Variants in ATP2B2 observed in about 807,000 individuals in gnomAD.
ATP2B2 encodes the protein ATPase plasma membrane Ca2+ transporting 2, also known as plasma membrane calcium-transporting ATPase 2.
Under a neutral mutation model 120.0 loss-of-function variants are expected in ATP2B2, and 15 were observed. That is an observed-to-expected ratio of 0.12 (90% CI 0.08 to 0.19). ATP2B2 has a LOEUF of 0.19. Ranked by LOEUF, ATP2B2 falls within the 10% of genes least tolerant of loss-of-function variation. ATP2B2 has a pLI of 1.00. For synonymous variants in ATP2B2, 694 were observed against 700.3 expected (o/e 0.99, Z 0.14); for missense variants, 1,045 against 1,719.8 (o/e 0.61, Z 6.94).
chr3:10,601,246 G>A (rs944105073), intron 2 of ATP2B2, among the ~76,000 whole-genome samples: 10 of 152,168 alleles, frequency 6.6e-5, no homozygotes, highest in Non-Finnish European at 1.2e-4. Context: ...CGTGAGCCAG[G>A]ACACTCCAGG....
chr3:10,367,788 G>A (rs374584174), intron 12 of ATP2B2, among the ~76,000 whole-genome samples: 1 of 152,232 alleles, frequency 6.6e-6, no homozygotes, highest in Non-Finnish European at 1.5e-5. Flanking sequence ...ACGCATTGGG[G>A]TGTGGTGTCA....
intron 2 of ATP2B2, among the ~76,000 whole-genome samples, chr3:10,416,747 ACTTT>A (rs2062795245): frequency 6.7e-6 from 1 of 150,226 alleles, no homozygotes; most frequent in Non-Finnish European, 1.5e-5. Context: ...AGAGGGAAGG[ACTTT>A]CTTTTTCTTT....
chr3:10,554,163 C>T (rs117915919), intron 2 of ATP2B2, among the ~76,000 whole-genome samples: 1 of 152,082 alleles, frequency 6.6e-6, no homozygotes, highest in African/African-American at 2.4e-5. Flanking sequence ...CCTTTGTAAC[C>T]CACCTGAACA....
chr3:10,362,443 G>A (rs1406229893), intron 12 of ATP2B2, among the ~76,000 whole-genome samples: 1 of 152,204 alleles, frequency 6.6e-6, no homozygotes, highest in African/African-American at 2.4e-5. Flanking sequence ...TGAGACCTGG[G>A]GATGCATAGG....
At position 10,343,167 on chromosome 3, in the gene ATP2B2, C is replaced by T. The variant is rs1296786010; in HGVS notation, c.2704-202G>A. On this transcript the variant is annotated intron_variant, in intron 18 of 22. Transcript: ENST00000360273. This position sits in a 1 kb window ranked among gnomAD's most constrained non-coding sequence, Gnocchi z 4.2. The stretch of plus-strand genomic sequence containing the variant: ...GACCTGCCCACCTCAGCCACATCTT[C>T]CCTGCCAGGAGATAAGTGAGTCCCC... 6.6e-6 allele frequency among the ~76,000 whole-genome samples: 1 copy of T among 152,180 alleles called. No homozygotes were observed. The highest frequency in any genetic ancestry group is 1.5e-5 in the Non-Finnish European group (1 of 68,022).
intron 2 of ATP2B2, among the ~76,000 whole-genome samples, chr3:10,587,215 G>A (rs1224776464): frequency 6.6e-6 from 1 of 152,002 alleles, no homozygotes; most frequent in African/African-American, 2.4e-5. Flanking sequence ...TGAGGTGGGA[G>A]AACCAGCTGA....
At chr3:10,544,191 C>T (rs1269590657) in intron 2 of ATP2B2, among the ~76,000 whole-genome samples, 1 of 152,120 alleles carries the variant, frequency 6.6e-6, no homozygotes, top group Non-Finnish European at 1.5e-5. Context: ...TGAGTGTTTT[C>T]CCTAATCTGC....
At chr3:10,548,428 C>T (rs1472294143) in intron 2 of ATP2B2, among the ~76,000 whole-genome samples, 1 of 152,198 alleles carries the variant, frequency 6.6e-6, no homozygotes, top group African/African-American at 2.4e-5. Context: ...CAGCTCTCAG[C>T]CAATGATTGA....
rs1283106265 is a variant in ATP2B2 at position 10,340,142 on chromosome 3, G to A, written c.3237+100C>T. ...TCCAGAGATAGGGAGGAGCTTGCCT[G>A]GGGTCTGGCAGCCCATTCCTGGGGG... On this transcript the variant is annotated intron_variant, in intron 21 of 22. Transcript: ENST00000360273. This position sits in a 1 kb window ranked among gnomAD's most constrained non-coding sequence, Gnocchi z 5.0. The A allele has an allele frequency of 1.4e-5, 16 of 1,136,204 alleles. No homozygotes were observed. Among genetic ancestry groups the A allele is most frequent in the African/African-American group, 6.1e-5 (4 of 65,682 alleles). The allele number at this position is 1,136,204 out of a possible 1,614,324, so 70.4% of individuals were successfully genotyped here.
At chr3:10,558,642 G>A (rs901681928) in intron 2 of ATP2B2, among the ~76,000 whole-genome samples, 1 of 152,108 alleles carries the variant, frequency 6.6e-6, no homozygotes. Context: ...GCCAATAAGT[G>A]GAATAATGGA....
intron 2 of ATP2B2, among the ~76,000 whole-genome samples, chr3:10,423,974 A>AC (rs909008305): frequency 5.9e-5 from 9 of 151,726 alleles, no homozygotes; most frequent in East Asian, 1.9e-4. Context: ...CTCAAATGTT[A>AC]CCCCCCGCAG....
At chr3:10,555,370 A>AC (rs1346805380) in intron 2 of ATP2B2, among the ~76,000 whole-genome samples, 1 of 152,134 alleles carries the variant, frequency 6.6e-6, no homozygotes, top group Non-Finnish European at 1.5e-5. Flanking sequence ...CAGGATTAAC[A>AC]CCTATTATGC....
At chr3:10,396,140 A>G (rs2062028257) in intron 5 of ATP2B2, among the ~76,000 whole-genome samples, 1 of 152,186 alleles carries the variant, frequency 6.6e-6, no homozygotes, top group Admixed American at 6.5e-5. Flanking sequence ...CCACAGTGGG[A>G]GCTGTTGGAG....
At chr3:10,399,633 A>T (rs2062153996) in intron 5 of ATP2B2, among the ~76,000 whole-genome samples, 2 of 152,214 alleles carry the variant, frequency 1.3e-5, no homozygotes, top group Non-Finnish European at 2.9e-5. Flanking sequence ...TGTGCTTAAC[A>T]ATTGTTGGTT....
At chr3:10,612,543 C>T (rs1429083691) in intron 2 of ATP2B2, among the ~76,000 whole-genome samples, 1 of 152,184 alleles carries the variant, frequency 6.6e-6, no homozygotes, top group Non-Finnish European at 1.5e-5. Flanking sequence ...TGGGACACTT[C>T]AAGGCATAGC....
At chr3:10,499,717 C>T (rs554935268) in intron 1 of ATP2B2, among the ~76,000 whole-genome samples, 4 of 152,110 alleles carry the variant, frequency 2.6e-5, no homozygotes, top group Non-Finnish European at 5.9e-5. Context: ...CTGCCTGTCT[C>T]CAGCCTCTCT....
At chr3:10,706,675 G>T (rs1227620791) in intron 1 of ATP2B2, among the ~76,000 whole-genome samples, 1 of 152,148 alleles carries the variant, frequency 6.6e-6, no homozygotes, top group African/African-American at 2.4e-5. Flanking sequence ...AAATGTTTTG[G>T]ATACAGACCA....
At chr3:10,457,449 G>T (rs2064309659) in intron 1 of ATP2B2, among the ~76,000 whole-genome samples, 1 of 152,130 alleles carries the variant, frequency 6.6e-6, no homozygotes, top group Admixed American at 6.5e-5. Flanking sequence ...CTTTGTGTGT[G>T]GGAAAGAGGG....
upstream of ATP2B2, among the ~76,000 whole-genome samples, chr3:10,509,949 G>T (rs1410732857): frequency 5.9e-5 from 9 of 152,180 alleles, no homozygotes; most frequent in Admixed American, 5.9e-4. Flanking sequence ...TACCTATTTG[G>T]CGGGGTTGCA....
Sources: allele counts gnomAD v4.1 joint callset (sites outside exome capture counted in the v4.1 genomes callset), GRCh38; gene constraint gnomAD v4.1.1; non-coding constraint Gnocchi (gnomAD v3.1); transcripts MANE v1.5; gene names NCBI Gene and HGNC (gene_info 2026-07-23, HGNC 2026-07-21).